VMP1: variants seen among roughly 807,000 people sequenced by gnomAD.
VMP1 encodes the protein ectopic P-granules autophagy protein 3 homolog.
Under a neutral mutation model 56.0 loss-of-function variants are expected in VMP1, and 11 were observed. The observed-to-expected ratio is 0.20, with a 90% confidence interval of 0.12 to 0.32. The LOEUF (loss-of-function observed/expected upper bound fraction) is 0.32, where lower values mean the gene tolerates loss of function less well. VMP1 is among the 10% of genes least tolerant of loss of function. The probability of loss-of-function intolerance (pLI) is 1.00; values close to 1 mark genes in which losing one functional copy is unlikely to be tolerated. For synonymous variants in VMP1, 149 were observed against 165.0 expected (o/e 0.90, Z 0.74); for missense variants, 296 against 490.3 (o/e 0.60, Z 3.74).
At chr17:59,814,901 C>A (rs2038173309) in intron 9 of VMP1, among the ~76,000 whole-genome samples, 1 of 152,186 alleles carries the variant, frequency 6.6e-6, no homozygotes, top group South Asian at 2.1e-4. Context: ...CCAGATGTAG[C>A]TTAGGGTAAC....
intron 7 of VMP1, among the ~76,000 whole-genome samples, chr17:59,795,458 C>T (rs2037405695): frequency 6.7e-6 from 1 of 148,322 alleles, no homozygotes; most frequent in Non-Finnish European, 1.5e-5. Flanking sequence ...TCTTTCTCTC[C>T]CTTCCATTTT....
chr17:59,724,705 G>A (rs1467456796), intron 1 of VMP1, among the ~76,000 whole-genome samples: 4 of 152,126 alleles, frequency 2.6e-5, no homozygotes, highest in African/African-American at 7.2e-5. Context: ...GGTGGCTCAC[G>A]CCTGTAATCC....
chr17:59,836,921 G>T (rs1299805207), intron 10 of VMP1, among the ~76,000 whole-genome samples: 1 of 151,994 alleles, frequency 6.6e-6, no homozygotes, highest in Non-Finnish European at 1.5e-5. Flanking sequence ...AGAAGTGAAG[G>T]CCAGTCGCGG....
chr17:59,750,827 G>C (rs2035611773), intron 5 of VMP1, among the ~76,000 whole-genome samples: 1 of 151,486 alleles, frequency 6.6e-6, no homozygotes, highest in African/African-American at 2.4e-5. Context: ...CTAGCAAGTA[G>C]TGCAAGTTAC....
At chr17:59,750,823 AG>A (rs895657896) in intron 5 of VMP1, among the ~76,000 whole-genome samples, 3 of 152,028 alleles carry the variant, frequency 2.0e-5, no homozygotes, top group Non-Finnish European at 4.4e-5. Flanking sequence ...TTGCCTAGCA[AG>A]TAGTGCAAGT....
chr17:59,798,050 A>G (rs1392072330), intron 7 of VMP1, among the ~76,000 whole-genome samples: 1 of 152,212 alleles, frequency 6.6e-6, no homozygotes, highest in Non-Finnish European at 1.5e-5. Context: ...TCTGGATCTC[A>G]GTAGTGGTTA....
chr17:59,732,259 CTT>C (rs2143805338), intron 2 of VMP1, among the ~76,000 whole-genome samples: 1 of 152,108 alleles, frequency 6.6e-6, no homozygotes, highest in African/African-American at 2.4e-5. Flanking sequence ...TGTTTGTTTG[CTT>C]TTTGAGACGG....
intron 1 of VMP1, among the ~76,000 whole-genome samples, chr17:59,724,077 T>G (rs772966346): frequency 3.9e-5 from 6 of 151,924 alleles, no homozygotes; most frequent in Non-Finnish European, 8.8e-5. Context: ...CTGGACATGT[T>G]AGCATGTTCC....
chr17:59,715,797 A>G (rs372134768), intron 1 of VMP1, among the ~76,000 whole-genome samples: 12 of 152,298 alleles, frequency 7.9e-5, no homozygotes, highest in South Asian at 6.2e-4. Context: ...AATTATTCCA[A>G]GTATGTAATA....
chr17:59,758,716 C>T (rs1052221660), intron 5 of VMP1, among the ~76,000 whole-genome samples: 2 of 151,918 alleles, frequency 1.3e-5, no homozygotes, highest in Non-Finnish European at 2.9e-5. Context: ...CCTGTAATGC[C>T]AGCACTTTGG....
At chr17:59,752,328 C>CA (rs2035685481) in intron 5 of VMP1, among the ~76,000 whole-genome samples, 1 of 152,266 alleles carries the variant, frequency 6.6e-6, no homozygotes, top group Middle Eastern at 3.4e-3. Context: ...ACCCCTGCTC[C>CA]AACTCATTGA....
intron 1 of VMP1, among the ~76,000 whole-genome samples, chr17:59,721,973 TTC>T (rs2034417521): frequency 2.0e-5 from 3 of 152,180 alleles, no homozygotes; most frequent in African/African-American, 4.8e-5. Context: ...GACAGCCACC[TTC>T]TCTCTGTGTC....
chr17:59,727,307 C>T (rs1385901295), intron 1 of VMP1, among the ~76,000 whole-genome samples: 3 of 151,510 alleles, frequency 2.0e-5, no homozygotes, highest in African/African-American at 4.9e-5. Context: ...GCTATTTTTT[C>T]GTATTTTTAG....
At chr17:59,766,272 G>C (rs1418453655) in intron 6 of VMP1, among the ~76,000 whole-genome samples, 2 of 152,132 alleles carry the variant, frequency 1.3e-5, no homozygotes, top group Admixed American at 1.3e-4. Context: ...GGGCGGCCAA[G>C]GCAGGCAGAT....
At position 59,726,514 on chromosome 17, in the gene VMP1, G is replaced by A. The variant is rs182301221; in HGVS notation, c.-26-4907G>A. Among the ~76,000 whole-genome samples, 1,136 of 152,062 alleles carry A rather than the reference G, an allele frequency of 7.5e-3. 15 individuals are homozygous for A. Among genetic ancestry groups the A allele is most frequent in the African/African-American group, 0.026 (1,086 of 41,492 alleles). On this transcript the variant is annotated intron_variant, in intron 1 of 11. Transcript: ENST00000262291. The stretch of plus-strand genomic sequence containing the variant: ...TCGCCATGTTGGCCAGGCTGGTCTC[G>A]AACTCCTGACCTCGGGTGATCTGCC...
intron 10 of VMP1, among the ~76,000 whole-genome samples, chr17:59,820,964 TC>T (rs1197063871): frequency 6.6e-6 from 1 of 151,820 alleles, no homozygotes; most frequent in African/African-American, 2.4e-5. Context: ...TGTCTTTCTT[TC>T]TTTTTTTTGT....
At chr17:59,785,545 C>G (rs1364658113) in intron 7 of VMP1, among the ~76,000 whole-genome samples, 2 of 151,806 alleles carry the variant, frequency 1.3e-5, no homozygotes, top group African/African-American at 2.4e-5. Context: ...CAAAAATTAG[C>G]TGGGCATGAT....
intron 7 of VMP1, among the ~76,000 whole-genome samples, chr17:59,808,239 T>C (rs575725899): frequency 1.2e-4 from 19 of 152,350 alleles, no homozygotes; most frequent in African/African-American, 4.3e-4. Context: ...TTGGTTATAA[T>C]AATATCCACT....
intron 5 of VMP1, among the ~76,000 whole-genome samples, chr17:59,749,966 C>CCTAGTA (rs2035578240): frequency 6.6e-6 from 1 of 152,066 alleles, no homozygotes; most frequent in Non-Finnish European, 1.5e-5. Flanking sequence ...TAGAACAGAG[C>CCTAGTA]CTAGTACTCA....
Sources: gnomAD v4.1 joint callset for allele counts (sites outside exome capture counted in the v4.1 genomes callset) on GRCh38, gnomAD v4.1.1 for gene constraint, MANE v1.5 for transcripts, NCBI Gene and HGNC (gene_info 2026-07-23, HGNC 2026-07-21) for gene names.